Variants in CAP2 observed in about 807,000 individuals in gnomAD.
CAP2 encodes the protein adenylyl cyclase-associated protein 2.
Under a neutral mutation model 57.7 loss-of-function variants are expected in CAP2, and 24 were observed. The observed-to-expected ratio is 0.42, with a 90% confidence interval of 0.30 to 0.58. The LOEUF (loss-of-function observed/expected upper bound fraction) is 0.58. Among genes scored for constraint, CAP2 ranks in the 20% least tolerant of loss-of-function variants. The pLI is 0.22. For missense variants in CAP2, 501 were observed against 590.3 expected, an observed-to-expected ratio of 0.85 and a Z score of 1.57; for synonymous variants, 194 against 207.2, an observed-to-expected ratio of 0.94 and a Z score of 0.55.
At position 17,495,528 on chromosome 6, in the gene CAP2, A is replaced by G. The variant is rs3798281; in HGVS notation, c.301-11641A>G. Among the ~76,000 whole-genome samples the G allele has an allele frequency of 7.6e-4, 115 of 152,176 alleles. 2 individuals carry two copies. In the East Asian group the frequency reaches 0.014, roughly 18 times the overall value. ...TGGATTTATACACACCGTTAGCCAC[A>G]CTTTCCCTTTGGGGTCAATGTCAAA... On this transcript the variant is annotated intron_variant, in intron 4 of 12. Transcript: ENST00000229922.
chr6:17,517,353 C>T (rs1762294657), intron 7 of CAP2, among the ~76,000 whole-genome samples: 1 of 152,108 alleles, frequency 6.6e-6, no homozygotes, highest in Non-Finnish European at 1.5e-5. Flanking sequence ...ATGCAATGTG[C>T]AAAGCTGAGT....
intron 4 of CAP2, among the ~76,000 whole-genome samples, chr6:17,503,381 G>T (rs535957147): frequency 2.0e-5 from 3 of 152,086 alleles, no homozygotes; most frequent in Non-Finnish European, 4.4e-5. Flanking sequence ...GGCCGAGGCG[G>T]GCAGATCACA....
chr6:17,477,175 T>C (rs993816309), intron 4 of CAP2, among the ~76,000 whole-genome samples: 1 of 152,046 alleles, frequency 6.6e-6, no homozygotes. Flanking sequence ...TGCCCGGCCT[T>C]ATTTTCTTCT....
intron 11 of CAP2, among the ~76,000 whole-genome samples, chr6:17,549,882 G>A (rs1763130821): frequency 6.6e-6 from 1 of 152,164 alleles, no homozygotes; most frequent in Non-Finnish European, 1.5e-5. Flanking sequence ...CATAGTCTGT[G>A]ACTGAGTAAT....
At chr6:17,492,670 T>C (rs2113636998) in intron 4 of CAP2, among the ~76,000 whole-genome samples, 1 of 152,360 alleles carries the variant, frequency 6.6e-6, no homozygotes, top group Non-Finnish European at 1.5e-5. Flanking sequence ...TCAAACAGCA[T>C]CAACCAAATG....
chr6:17,518,805 T>A (rs1239117360), intron 7 of CAP2, among the ~76,000 whole-genome samples: 1 of 152,002 alleles, frequency 6.6e-6, no homozygotes, highest in Admixed American at 6.6e-5. Flanking sequence ...ACCTGGCTAA[T>A]TTTTTTATTT....
intron 11 of CAP2, among the ~76,000 whole-genome samples, chr6:17,547,640 G>A (rs570494235): frequency 2.6e-5 from 4 of 152,164 alleles, no homozygotes; most frequent in South Asian, 2.1e-4. Flanking sequence ...CGGAGATTGA[G>A]ACCATCCTGG....
chr6:17,507,105 G>C, intron 4 of CAP2, 64 bp from the exon 5 acceptor site: 1 of 1,564,936 alleles, frequency 6.4e-7, no homozygotes. Flanking sequence ...AGGCCAACAT[G>C]GATAGAGGTG....
At chr6:17,530,818 C>CT (rs35589543) in intron 7 of CAP2, 53,426 of 516,646 alleles carry the variant, frequency 0.1, 38 homozygotes, top group South Asian at 0.11. Context: ...TGGTCTCCCA[C>CT]TTTTTTTTTT....
intron 3 of CAP2, among the ~76,000 whole-genome samples, chr6:17,438,615 AT>A (rs1759974194): frequency 6.9e-6 from 1 of 144,568 alleles, no homozygotes; most frequent in Non-Finnish European, 1.5e-5. Flanking sequence ...ATTTTTTTGT[AT>A]TTTTAGTAGA....
chr6:17,496,092 C>T lies in CAP2; in HGVS notation c.301-11077C>T, dbSNP rs564830065. On this transcript the variant is annotated intron_variant, in intron 4 of 12. Transcript: ENST00000229922. ...CTCTGTTAAATGCCCTTGAAAGCAT[C>T]TCCATGGTTATAAGTGAGACAACCA... Among the ~76,000 whole-genome samples, 4 of 147,498 alleles carry T rather than the reference C, an allele frequency of 2.7e-5. No individual in the cohort carries two copies. In the South Asian group the frequency reaches 8.7e-4, roughly 32 times the overall value.
At chr6:17,442,788 G>A (rs995841694) in intron 3 of CAP2, among the ~76,000 whole-genome samples, 1 of 151,574 alleles carries the variant, frequency 6.6e-6, no homozygotes, top group East Asian at 1.9e-4. Flanking sequence ...CAGCATCTTG[G>A]CTTACTGCAA....
chr6:17,401,432 G>A (rs550056764), intron 1 of CAP2, among the ~76,000 whole-genome samples: 1 of 152,332 alleles, frequency 6.6e-6, no homozygotes, highest in South Asian at 2.1e-4. Flanking sequence ...AACTAACATA[G>A]TAACCTGTGT....
chr6:17,533,280 T>C (rs1581602056), intron 7 of CAP2, among the ~76,000 whole-genome samples: 1 of 152,138 alleles, frequency 6.6e-6, no homozygotes, highest in East Asian at 1.9e-4. Flanking sequence ...ACACACTGCA[T>C]ATTGGTTTCA....
chr6:17,398,151 C>T (rs1191246416), intron 1 of CAP2, among the ~76,000 whole-genome samples: 1 of 152,192 alleles, frequency 6.6e-6, no homozygotes, highest in Middle Eastern at 3.2e-3. Context: ...CGGTCACTCA[C>T]GGACATCTTC....
chr6:17,449,605 C>T (rs905365341), intron 3 of CAP2, among the ~76,000 whole-genome samples: 4 of 151,958 alleles, frequency 2.6e-5, no homozygotes, highest in South Asian at 4.2e-4. Context: ...GGCGGGGTTT[C>T]GCCATGTTGA....
rs1758715359 is a variant in CAP2 at position 17,398,032 on chromosome 6, G to C, written c.-2+4286G>C. On this transcript the variant is annotated intron_variant, in intron 1 of 12. Coordinates refer to ENST00000229922, the MANE Select transcript of CAP2 (RefSeq NM_006366.3). ...ATAAAATGATTAGATCTGACATTCT[G>C]ACTTCTCATCCTATTTACATTCTAG... 3.3e-5 allele frequency among the ~76,000 whole-genome samples: 5 copies of C among 152,166 alleles called. 1 individual carries two copies. In the South Asian group the frequency reaches 1.0e-3, roughly 32 times the overall value.
intron 3 of CAP2, among the ~76,000 whole-genome samples, chr6:17,460,823 A>G (rs1008737298): frequency 1.3e-5 from 2 of 152,164 alleles, no homozygotes; most frequent in African/African-American, 4.8e-5. Context: ...TCATTTAATG[A>G]TTATTTCTAG....
intron 1 of CAP2, among the ~76,000 whole-genome samples, chr6:17,395,268 C>T (rs1338408960): frequency 6.6e-6 from 1 of 152,112 alleles, no homozygotes; most frequent in Non-Finnish European, 1.5e-5. Context: ...CATATGGTCT[C>T]CTTAGCAACT....
Sources: gnomAD v4.1 joint callset for allele counts (sites outside exome capture counted in the v4.1 genomes callset) on GRCh38, gnomAD v4.1.1 for gene constraint, MANE v1.5 for transcripts, NCBI Gene and HGNC (gene_info 2026-07-23, HGNC 2026-07-21) for gene names.